Variants in SPATA16 observed in about 807,000 individuals in gnomAD.
SPATA16 encodes spermatogenesis associated 16, also known as spermatogenesis-associated protein 16.
Under a neutral mutation model 63.3 loss-of-function variants are expected in SPATA16, and 36 were observed. That is an observed-to-expected ratio of 0.57 (90% CI 0.44 to 0.75). SPATA16 has a LOEUF of 0.75. Among genes scored for constraint, SPATA16 ranks in the 30% least tolerant of loss-of-function variants. The pLI, the probability that SPATA16 is intolerant of heterozygous loss-of-function variation, is 0.00. For synonymous variants in SPATA16, 203 were observed against 216.7 expected (o/e 0.94, Z 0.56); for missense variants, 646 against 679.3 (o/e 0.95, Z 0.54).
chr3:172,940,083 G>C (rs573501620), intron 6 of SPATA16, among the ~76,000 whole-genome samples: 7 of 152,318 alleles, frequency 4.6e-5, no homozygotes, highest in African/African-American at 1.7e-4. Context: ...AGGGCCTGGA[G>C]GCTCCACATC....
chr3:173,103,353 A>G (rs1049347527), intron 2 of SPATA16, among the ~76,000 whole-genome samples: 5 of 152,222 alleles, frequency 3.3e-5, no homozygotes, highest in African/African-American at 1.2e-4. Flanking sequence ...CTGCCCTAGC[A>G]GAGCATCTCT....
At chr3:172,906,537 A>G (rs912112965) in intron 10 of SPATA16, among the ~76,000 whole-genome samples, 20 of 151,034 alleles carry the variant, frequency 1.3e-4, no homozygotes, top group Non-Finnish European at 2.7e-4. Context: ...GTTGGAGGTC[A>G]CCTTAATTCC....
intron 4 of SPATA16, 23 bp downstream of exon 4, chr3:173,019,463 C>T (rs1735267490): frequency 6.3e-7 from 1 of 1,599,242 alleles, no homozygotes; most frequent in Non-Finnish European, 8.6e-7. Context: ...TATAAATCCT[C>T]ACAAAAGTTA....
chr3:173,045,014 C>T (rs1170237679), intron 3 of SPATA16, among the ~76,000 whole-genome samples: 1 of 152,088 alleles, frequency 6.6e-6, no homozygotes, highest in Admixed American at 6.6e-5. Context: ...CCAAGCACTG[C>T]AGGTCACCTA....
chr3:173,081,538 T>C (rs1455804404), intron 2 of SPATA16, among the ~76,000 whole-genome samples: 1 of 152,126 alleles, frequency 6.6e-6, no homozygotes, highest in African/African-American at 2.4e-5. Context: ...GAGGAGAGTT[T>C]GTGATAAATG....
intron 2 of SPATA16, among the ~76,000 whole-genome samples, chr3:173,051,190 C>G (rs921388852): frequency 3.9e-5 from 6 of 152,052 alleles, no homozygotes; most frequent in African/African-American, 1.4e-4. Flanking sequence ...TCCAGATCTT[C>G]TCAATTAATT....
chr3:173,094,138 G>A (rs1366595915), intron 2 of SPATA16, among the ~76,000 whole-genome samples: 1 of 151,106 alleles, frequency 6.6e-6, no homozygotes, highest in Non-Finnish European at 1.5e-5. Flanking sequence ...AATTAAAAGT[G>A]CAATCTGGCT....
At chr3:173,058,638 A>G (rs1203764613) in intron 2 of SPATA16, among the ~76,000 whole-genome samples, 1 of 152,072 alleles carries the variant, frequency 6.6e-6, no homozygotes, top group Admixed American at 6.5e-5. Context: ...TCACCTCAAA[A>G]TCAATTACTA....
chr3:173,008,331 A>G (rs1416206547), intron 4 of SPATA16, among the ~76,000 whole-genome samples: 1 of 152,102 alleles, frequency 6.6e-6, no homozygotes, highest in Non-Finnish European at 1.5e-5. Context: ...ATGGACTTGC[A>G]GGGAGCCAGG....
At chr3:172,942,922 TTAAG>T (rs561485847) in intron 6 of SPATA16, among the ~76,000 whole-genome samples, 101 of 152,274 alleles carry the variant, frequency 6.6e-4, no homozygotes, top group African/African-American at 2.3e-3. Context: ...AACTGTGTAT[TTAAG>T]TAAGTCATGG....
At chr3:172,947,823 AT>A (rs200649378) in intron 6 of SPATA16, among the ~76,000 whole-genome samples, 8,229 of 152,162 alleles carry the variant, frequency 0.054, 745 homozygotes, top group African/African-American at 0.19. Context: ...CAAATACCTA[AT>A]ATATGTGGGG....
intron 10 of SPATA16, among the ~76,000 whole-genome samples, chr3:172,894,101 C>G (rs1228456417): frequency 6.6e-6 from 1 of 152,068 alleles, no homozygotes; most frequent in Non-Finnish European, 1.5e-5. Flanking sequence ...GGACCAAAAT[C>G]CTCTCGGTAA....
intron 6 of SPATA16, among the ~76,000 whole-genome samples, chr3:172,948,788 A>G (rs1733358847): frequency 6.6e-6 from 1 of 152,158 alleles, no homozygotes; most frequent in South Asian, 2.1e-4. Flanking sequence ...TTTCATCAAT[A>G]CCAGACCTGT....
At position 172,961,063 on chromosome 3, in the gene SPATA16, CTTCTTTCTTCCTTCCTTCCT is replaced by C. The variant is rs1264453984; in HGVS notation, c.934-4259_934-4240del. 3.9e-3 allele frequency among the ~76,000 whole-genome samples: 113 copies of C among 28,760 alleles called. 3 individuals are homozygous for C. The highest frequency in any genetic ancestry group is 0.011 in the African/African-American group (107 of 9,908). 18.9% of individuals were successfully genotyped at this position (28,760 alleles called of 152,430 possible). On this transcript the variant is annotated intron_variant, in intron 5 of 10. Transcript: ENST00000351008. ...TTCTTTCTTTCTTCTTTCTTTCTTT[CTTCTTTCTTCCTTCCTTCCT>C]TCCTTCCTTCCTTCCTTCCTTCCTT...
At chr3:173,129,476 C>T (rs1445753270) in intron 1 of SPATA16, among the ~76,000 whole-genome samples, 3 of 151,888 alleles carry the variant, frequency 2.0e-5, no homozygotes, top group African/African-American at 7.3e-5. Context: ...ATCATCTGGC[C>T]CACAATAAGT....
chr3:173,100,876 G>T (rs781044663), intron 2 of SPATA16, among the ~76,000 whole-genome samples: 25 of 151,888 alleles, frequency 1.6e-4, no homozygotes, highest in Non-Finnish European at 3.5e-4. Context: ...AACAACAAGA[G>T]AAAAATTCAA....
chr3:173,124,860 C>G (rs1311739138), intron 1 of SPATA16, among the ~76,000 whole-genome samples: 1 of 152,064 alleles, frequency 6.6e-6, no homozygotes, highest in African/African-American at 2.4e-5. Context: ...GGAGCCCCTT[C>G]TTTTCTCCAG....
At chr3:173,131,888 A>C (rs1738395658) in intron 1 of SPATA16, among the ~76,000 whole-genome samples, 1 of 152,196 alleles carries the variant, frequency 6.6e-6, no homozygotes, top group Admixed American at 6.5e-5. Flanking sequence ...GATCTTCTAT[A>C]ATTTTCTATA....
At chr3:173,086,410 A>G (rs1382365649) in intron 2 of SPATA16, among the ~76,000 whole-genome samples, 1 of 152,078 alleles carries the variant, frequency 6.6e-6, no homozygotes, top group Non-Finnish European at 1.5e-5. Flanking sequence ...TATGATGTCT[A>G]TTTGATTCTT....
Sources: allele counts gnomAD v4.1 joint callset (sites outside exome capture counted in the v4.1 genomes callset), GRCh38; gene constraint gnomAD v4.1.1; transcripts MANE v1.5; gene names NCBI Gene and HGNC (gene_info 2026-07-23, HGNC 2026-07-21).